Variants in SATL1 observed in about 807,000 individuals in gnomAD.
SATL1 encodes spermidine/spermine N1-acetyl transferase like 1.
A neutral mutation model predicts 51.8 loss-of-function variants in SATL1; 47 were observed. That is an observed-to-expected ratio of 0.91 (90% confidence interval 0.72 to 1.16). SATL1 has a LOEUF of 1.16. Ranked by LOEUF, SATL1 falls within the 50% of genes most tolerant of loss-of-function variation. The pLI is 0.00. For synonymous variants in SATL1, 176 were observed against 182.4 expected (o/e 0.97, Z 0.28); for missense variants, 520 against 526.4 (o/e 0.99, Z 0.12).
chrX:85,176,514 G>A (rs1266769917), intron 2 of SATL1, among the ~76,000 whole-genome samples: 1 of 111,668 alleles, frequency 9.0e-6, no homozygotes, highest in African/African-American at 3.2e-5. Context: ...ACAATGGAAT[G>A]CTATGGAACT....
chrX:85,112,125 TG>T (rs1925273570), intron 2 of SATL1, among the ~76,000 whole-genome samples: 1 of 111,215 alleles, frequency 9.0e-6, no homozygotes. Context: ...CTGAAGTGCG[TG>T]GATCAGTTGA....
intron 2 of SATL1, among the ~76,000 whole-genome samples, chrX:85,113,906 G>A (rs953805402): frequency 8.1e-5 from 9 of 111,253 alleles, no homozygotes; most frequent in Non-Finnish European, 1.1e-4. Context: ...CCCTGGGCCC[G>A]TCAGAAAGTG....
rs60561678 is a variant in SATL1 at position 85,178,611 on chromosome X, C to CAA, written c.-313+45592_-313+45593dup. 4.4e-3 allele frequency among the ~76,000 whole-genome samples: 219 copies of CAA among 50,216 alleles called. 1 individual carries two copies. The highest frequency in any genetic ancestry group is 0.013 in the Middle Eastern group (1 of 75). 43.6% of individuals were successfully genotyped at this position (50,216 alleles called of 115,157 possible). ...ACCACTTCAGCCCACACAAAATGCT[C>CAA]AAAAAAAAAAAAACAAAAACAAACA... On this transcript the variant is annotated intron_variant, in intron 2 of 7. Coordinates refer to ENST00000644105, the MANE Select transcript of SATL1 (RefSeq NM_001367857.2).
chrX:85,093,044 C>A, intron 7 of SATL1, 141 bp downstream of exon 7: 1 of 531,803 alleles, frequency 1.9e-6, no homozygotes. Context: ...ATTTGAAAAT[C>A]CAGTTTAATT....
At chrX:85,199,604 T>C (rs1927648661) in intron 2 of SATL1, among the ~76,000 whole-genome samples, 1 of 112,304 alleles carries the variant, frequency 8.9e-6, no homozygotes. Flanking sequence ...ATAAAAAGAA[T>C]GAAATCCTGT....
chrX:85,235,820 AAAT>A (rs1463419507), intron 1 of SATL1, among the ~76,000 whole-genome samples: 1 of 111,228 alleles, frequency 9.0e-6, no homozygotes, highest in African/African-American at 3.2e-5. Flanking sequence ...ATAGTAGAAA[AAAT>A]AATAATAAAG....
intron 1 of SATL1, among the ~76,000 whole-genome samples, chrX:85,233,828 A>G (rs1336047888): frequency 9.0e-6 from 1 of 111,588 alleles, no homozygotes; most frequent in Non-Finnish European, 1.9e-5. Flanking sequence ...TCTAAGAATT[A>G]TTGGTCTTAA....
intron 2 of SATL1, among the ~76,000 whole-genome samples, chrX:85,159,354 C>T (rs1352524089): frequency 1.8e-5 from 2 of 111,904 alleles, no homozygotes; most frequent in East Asian, 5.7e-4. Flanking sequence ...CTAAGTTCCG[C>T]CTCCTCTCAG....
At chrX:85,161,560 AACAG>A (rs1255958217) in intron 2 of SATL1, among the ~76,000 whole-genome samples, 1 of 111,306 alleles carries the variant, frequency 9.0e-6, no homozygotes, top group Non-Finnish European at 1.9e-5. Context: ...CAGAGATCAA[AACAG>A]ACAAAGAAGG....
At chrX:85,152,754 G>C (rs922432911) in intron 2 of SATL1, among the ~76,000 whole-genome samples, 10 of 110,536 alleles carry the variant, frequency 9.0e-5, no homozygotes, top group African/African-American at 3.3e-4. Flanking sequence ...ACTCATAGGT[G>C]GGAATTGAAC....
At chrX:85,157,045 T>C (rs1204463919) in intron 2 of SATL1, among the ~76,000 whole-genome samples, 3 of 107,299 alleles carry the variant, frequency 2.8e-5, no homozygotes, top group Non-Finnish European at 5.8e-5. Flanking sequence ...GCAATGCTTT[T>C]ATTGTTTTAA....
intron 2 of SATL1, among the ~76,000 whole-genome samples, chrX:85,115,449 G>A (rs1156285824): frequency 4.4e-5 from 5 of 112,535 alleles, no homozygotes; most frequent in Non-Finnish European, 9.4e-5. Context: ...GTCTGTCCTG[G>A]CAATGTGCCA....
intron 2 of SATL1, chrX:85,117,429 A>G (rs1371953072): frequency 9.0e-6 from 1 of 111,414 alleles, no homozygotes; most frequent in Non-Finnish European, 1.9e-5. Flanking sequence ...GTGATTAAGA[A>G]AGGCATTTGT....
At chrX:85,097,346 CTT>C (rs942093608) in intron 4 of SATL1, among the ~76,000 whole-genome samples, 2 of 111,771 alleles carry the variant, frequency 1.8e-5, no homozygotes, top group African/African-American at 6.5e-5. Flanking sequence ...ATAATTATTA[CTT>C]TTTATTTTTT....
At chrX:85,125,290 A>G (rs1811467811) in intron 2 of SATL1, among the ~76,000 whole-genome samples, 1 of 110,393 alleles carries the variant, frequency 9.1e-6, no homozygotes. Flanking sequence ...AATAAGTACC[A>G]TGAAGAGGAA....
intron 2 of SATL1, chrX:85,208,880 G>A (rs1170194845): frequency 8.9e-6 from 1 of 111,780 alleles, no homozygotes; most frequent in Non-Finnish European, 1.9e-5. Flanking sequence ...TCCTTTTGCT[G>A]TGCAGAAGCT....
At chrX:85,132,905 G>A (rs776830973) in intron 2 of SATL1, among the ~76,000 whole-genome samples, 227 of 111,584 alleles carry the variant, frequency 2.0e-3, no homozygotes, top group Non-Finnish European at 3.8e-3. Context: ...TCTAACAGTC[G>A]GGTCCCTCAG....
chrX:85,223,030 C>T (rs769772014), intron 2 of SATL1, among the ~76,000 whole-genome samples: 34 of 111,831 alleles, frequency 3.0e-4, no homozygotes, highest in African/African-American at 5.2e-4. Flanking sequence ...CAAAGTTGTT[C>T]GAGCTGTTTT....
chrX:85,120,864 C>T (rs1347572448), intron 2 of SATL1, among the ~76,000 whole-genome samples: 1 of 111,272 alleles, frequency 9.0e-6, no homozygotes, highest in Non-Finnish European at 1.9e-5. Flanking sequence ...CCTTTTGAAT[C>T]ATCACCTATG....
Sources: gnomAD v4.1 joint callset for allele counts (sites outside exome capture counted in the v4.1 genomes callset) on GRCh38, gnomAD v4.1.1 for gene constraint, MANE v1.5 for transcripts, NCBI Gene and HGNC (gene_info 2026-07-23, HGNC 2026-07-21) for gene names.